The following IL2RA variants were observed in gnomAD, a reference collection of about 807,000 sequenced individuals.
The protein encoded by IL2RA is interleukin-2 receptor subunit alpha.
IL2RA carries 24 observed loss-of-function variants against 37.8 expected under a neutral mutation model. The observed-to-expected ratio is 0.63, with a 90% CI of 0.46 to 0.89. The LOEUF is 0.89. Ranked by LOEUF, IL2RA falls within the 40% of genes least tolerant of loss-of-function variation. IL2RA has a pLI of 0.00. For synonymous variants in IL2RA, 125 were observed against 114.6 expected (o/e 1.09, Z -0.58); for missense variants, 319 against 348.6 (o/e 0.92, Z 0.68).
intron 1 of IL2RA, among the ~76,000 whole-genome samples, chr10:6,049,238 A>G (rs1839910362): frequency 6.6e-6 from 1 of 152,200 alleles, no homozygotes; most frequent in South Asian, 2.1e-4. Flanking sequence ...GCAAATGTCC[A>G]AGAGCAGACG....
rs568338247 is a variant in IL2RA at position 6,058,073 on chromosome 10, G to A, written c.64+4015C>T. 6.6e-6 allele frequency among the ~76,000 whole-genome samples: 1 copy of A among 152,236 alleles called. No homozygotes were observed. The highest frequency in any genetic ancestry group is 2.1e-4 in the South Asian group (1 of 4,820). ...ACCCGGGAGGCAGAGGTTGCAGTGA[G>A]CCAATATCTCGCCACTGCACTCCAG... On this transcript the variant is annotated intron_variant, in intron 1 of 7. Coordinates refer to ENST00000379959, the MANE Select transcript of IL2RA (RefSeq NM_000417.3). This position sits in a 1 kb window ranked among gnomAD's most constrained non-coding sequence, Gnocchi z 4.2.
chr10:6,060,482 C>T (rs975852219), intron 1 of IL2RA, among the ~76,000 whole-genome samples: 3 of 152,150 alleles, frequency 2.0e-5, no homozygotes, highest in South Asian at 2.1e-4. Flanking sequence ...ATAGGTCAGG[C>T]GCGATGGCTC....
chr10:6,021,541 T>G lies in IL2RA; in HGVS notation c.520A>C (p.Lys174Gln). 2 of 1,614,124 alleles carry G rather than the reference T, an allele frequency of 1.2e-6. No individual in the cohort carries two copies. The highest frequency in any genetic ancestry group is 1.7e-6 in the Non-Finnish European group (2 of 1,180,020). The change falls in exon 4 of 8, where the codon AAG (lysine) becomes CAG (glutamine). Residue 174 changes from lysine to glutamine, a missense_variant. Coordinates refer to ENST00000379959, the MANE Select transcript of IL2RA (RefSeq NM_000417.3). The surrounding 1 kb of genome is among the most constrained non-coding windows in gnomAD (Gnocchi z 4.9). ...AGCTGGGGCTGGGTCCACCTTGTCTTCCCGTGGGTCATTTTGCAGACGCTC... is the reference window on the plus strand; with the variant it reads ...AGCTGGGGCTGGGTCCACCTTGTCTGCCCGTGGGTCATTTTGCAGACGCTC... ...AESVCKMTHGKTRWTQPQLIC... is the reference protein window; with the variant it reads ...AESVCKMTHGQTRWTQPQLIC...
intron 3 of IL2RA, 123 bp downstream of exon 3, chr10:6,024,121 C>G: frequency 4.1e-6 from 3 of 725,108 alleles, no homozygotes; most frequent in Non-Finnish European, 7.6e-6. Flanking sequence ...CTTGGGAGGA[C>G]GGAGCCACAT....
intron 3 of IL2RA, among the ~76,000 whole-genome samples, chr10:6,023,533 A>G (rs746492534): frequency 5.3e-5 from 8 of 152,110 alleles, no homozygotes; most frequent in Non-Finnish European, 1.2e-4. Context: ...ACAAGGTTTC[A>G]CCATGTTGGC....
At chr10:6,031,486 A>G (rs1219065809) in intron 1 of IL2RA, among the ~76,000 whole-genome samples, 7 of 28,104 alleles carry the variant, frequency 2.5e-4, no homozygotes, top group African/African-American at 9.0e-4. Context: ...ATATATATAT[A>G]TATATATGTA....
Position 6,057,227 on chromosome 10 carries a change from TTGAG to T in IL2RA, c.64+4857_64+4860del, listed in dbSNP as rs1840059632. ...AGAGATATTGGATAGATTTTGAGAA[TTGAG>T]TGAGTGGAGTTTTTGCGTTGACACC... On this transcript the variant is annotated intron_variant, in intron 1 of 7. Coordinates refer to ENST00000379959, the MANE Select transcript of IL2RA (RefSeq NM_000417.3). This position sits in a 1 kb window ranked among gnomAD's most constrained non-coding sequence, Gnocchi z 4.8. 6.6e-6 allele frequency among the ~76,000 whole-genome samples: 1 copy of T among 152,204 alleles called. No homozygotes were observed. The highest frequency in any genetic ancestry group is 1.5e-5 in the Non-Finnish European group (1 of 68,030).
intron 1 of IL2RA, among the ~76,000 whole-genome samples, 198 bp from the exon 2 acceptor site, chr10:6,026,223 C>T (rs1056474536): frequency 2.0e-5 from 3 of 152,204 alleles, no homozygotes; most frequent in African/African-American, 7.2e-5. Flanking sequence ...CAAAAATTAA[C>T]TACAACCAAG....
intron 1 of IL2RA, among the ~76,000 whole-genome samples, chr10:6,051,817 C>A (rs866554105): frequency 2.0e-3 from 67 of 33,682 alleles, no homozygotes; most frequent in South Asian, 7.1e-3. Context: ...TCATGCCCAG[C>A]TATATATATA....
In IL2RA at chr10:6,042,148, CAAA is replaced by C. The variant is rs57093239; in HGVS notation, c.65-16126_65-16124del. Among the ~76,000 whole-genome samples the C allele has an allele frequency of 2.2e-4, 12 of 54,130 alleles. 1 individual carries two copies. In the South Asian group the frequency reaches 2.6e-3, roughly 12 times the overall value. 35.5% of individuals were successfully genotyped at this position (54,130 alleles called of 152,430 possible). A position where few individuals can be genotyped will look rare whatever the true frequency, so the allele number is the denominator to read the frequency against. On this transcript the variant is annotated intron_variant, in intron 1 of 7. Transcript: ENST00000379959. ...CACCTGATGCTAGCAATGTATTAAG[CAAA>C]AAAAAAAAAAAAAAAAATTCTGATC...
Position 6,036,987 on chromosome 10 carries a change from G to C in IL2RA, c.65-10962C>G, listed in dbSNP as rs1839694797. ...GCTCCTACATGATGCTGGGGCTGCA[G>C]AGCCCCAGGCCGCACTTGGAGTATG... On this transcript the variant is annotated intron_variant, in intron 1 of 7. Transcript: ENST00000379959. The surrounding 1 kb of genome is among the most constrained non-coding windows in gnomAD (Gnocchi z 6.1). Among the ~76,000 whole-genome samples the C allele has an allele frequency of 6.6e-6, 1 of 152,180 alleles. No individual in the cohort carries two copies. The highest frequency in any genetic ancestry group is 1.5e-5 in the Non-Finnish European group (1 of 68,026).
At position 6,056,757 on chromosome 10, in the gene IL2RA, A is replaced by T. The variant is rs1032495763; in HGVS notation, c.64+5331T>A. 2.0e-5 allele frequency among the ~76,000 whole-genome samples: 3 copies of T among 152,200 alleles called. No individual in the cohort carries two copies. Among genetic ancestry groups the T allele is most frequent in the Non-Finnish European group, 4.4e-5 (3 of 68,028 alleles). Reference sequence around the variant, plus strand: ...CGACAGAGCGAAACTGTCCAAAAAAAAAAAAGATTCCCCTTTCTCTTCTCT... The same window carrying T: ...CGACAGAGCGAAACTGTCCAAAAAATAAAAAGATTCCCCTTTCTCTTCTCT... On this transcript the variant is annotated intron_variant, in intron 1 of 7. Coordinates refer to ENST00000379959, the MANE Select transcript of IL2RA (RefSeq NM_000417.3). This position sits in a 1 kb window ranked among gnomAD's most constrained non-coding sequence, Gnocchi z 5.0.
At chr10:6,045,714 G>T (rs565170589) in intron 1 of IL2RA, among the ~76,000 whole-genome samples, 4 of 152,170 alleles carry the variant, frequency 2.6e-5, no homozygotes, top group African/African-American at 9.6e-5. Context: ...TGCTAAATTG[G>T]TGACTCCCAC....
chr10:6,034,657 C>T (rs935620867), intron 1 of IL2RA, among the ~76,000 whole-genome samples: 1 of 152,134 alleles, frequency 6.6e-6, no homozygotes, highest in African/African-American at 2.4e-5. Flanking sequence ...TCTAGTTTTA[C>T]TCACTAACAA....
intron 1 of IL2RA, among the ~76,000 whole-genome samples, chr10:6,040,720 C>G (rs181091788): frequency 5.3e-5 from 8 of 152,210 alleles, no homozygotes; most frequent in Admixed American, 3.9e-4. Flanking sequence ...CTCCAATTGA[C>G]TTTAAAAGAA....
rs1189919763 is a variant in IL2RA at position 6,051,003 on chromosome 10, C to T, written c.64+11085G>A. 3.3e-5 allele frequency among the ~76,000 whole-genome samples: 5 copies of T among 151,860 alleles called. No individual in the cohort carries two copies. The East Asian group carries it at 5.8e-4, about 18-fold the overall frequency. On this transcript the variant is annotated intron_variant, in intron 1 of 7. Transcript: ENST00000379959. ...CCCTGTGGTCTCAGCGCCACCTGGG[C>T]GTCAGACAGATGTCTGGAGAGACGG...
intron 1 of IL2RA, among the ~76,000 whole-genome samples, chr10:6,055,052 C>T (rs902699258): frequency 7.2e-5 from 11 of 152,178 alleles, no homozygotes; most frequent in Admixed American, 3.9e-4. Context: ...CGTATTTATT[C>T]TCTGACTTGA....
In IL2RA at chr10:6,018,688, C is replaced by A. The variant is rs1225724329; in HGVS notation, c.728-569G>T. Among the ~76,000 whole-genome samples, 4 of 152,180 alleles carry A rather than the reference C, an allele frequency of 2.6e-5. No individual in the cohort carries two copies. Among genetic ancestry groups the A allele is most frequent in the African/African-American group, 9.7e-5 (4 of 41,414 alleles). The stretch of plus-strand genomic sequence containing the variant: ...GGCCCGGGGTACAGCCCTTCCAGAT[C>A]AGCTTGAGAGGAGCTGATAGGGCTG... On this transcript the variant is annotated intron_variant, in intron 6 of 7. Transcript: ENST00000379959. The surrounding 1 kb of genome is among the most constrained non-coding windows in gnomAD (Gnocchi z 5.1).
intron 6 of IL2RA, among the ~76,000 whole-genome samples, chr10:6,019,133 T>A (rs111207964): frequency 2.1e-5 from 3 of 142,792 alleles, no homozygotes; most frequent in African/African-American, 8.7e-5. Context: ...CCAACCAACC[T>A]ACCAACCAAC....
Sources: allele counts gnomAD v4.1 joint callset (sites outside exome capture counted in the v4.1 genomes callset), GRCh38; gene constraint gnomAD v4.1.1; non-coding constraint Gnocchi (gnomAD v3.1); transcripts MANE v1.5; gene names NCBI Gene and HGNC (gene_info 2026-07-23, HGNC 2026-07-21).